The following TNKS variants were observed in gnomAD, a reference collection of about 807,000 sequenced individuals.
TNKS encodes the protein tankyrase, also known as poly [ADP-ribose] polymerase tankyrase-1.
In TNKS, 72 loss-of-function variants were observed where a neutral mutation model predicts 135.8. The ratio of observed to expected loss-of-function variants is 0.53; its 90% CI spans 0.44 to 0.64. TNKS has a LOEUF of 0.64. Ranked by LOEUF, TNKS falls within the 30% of genes least tolerant of loss-of-function variation. The pLI is 0.00. For synonymous variants in TNKS, 849 were observed against 649.3 expected, an observed-to-expected ratio of 1.31 and a Z score of -4.68; for missense variants, 1,769 against 1,674.0, an observed-to-expected ratio of 1.06 and a Z score of -0.99.
At chr8:9,772,558 G>A (rs945564336) in intron 26 of TNKS, 9 of 368,020 alleles carry the variant, frequency 2.4e-5, no homozygotes, top group Middle Eastern at 8.3e-4. Flanking sequence ...ACATGAAAAC[G>A]AAGTTAACCT....
At chr8:9,597,126 T>G (rs1798819540) in intron 2 of TNKS, among the ~76,000 whole-genome samples, 1 of 152,250 alleles carries the variant, frequency 6.6e-6, no homozygotes, top group Non-Finnish European at 1.5e-5. Context: ...GCTTTACAAT[T>G]AAGTATGAAT....
intron 13 of TNKS, among the ~76,000 whole-genome samples, chr8:9,729,455 A>T (rs939416954): frequency 2.0e-5 from 3 of 152,118 alleles, no homozygotes; most frequent in Non-Finnish European, 4.4e-5. Flanking sequence ...AGAGCATGCT[A>T]TTGTCTGCTC....
At chr8:9,671,788 T>C (rs1802280702) in intron 3 of TNKS, among the ~76,000 whole-genome samples, 1 of 152,222 alleles carries the variant, frequency 6.6e-6, no homozygotes, top group Non-Finnish European at 1.5e-5. Context: ...CACAGTTTAA[T>C]AGTAGTCACC....
rs1313759053 is a variant in TNKS at position 9,761,554 on chromosome 8, G to A, written c.3192G>A (p.Glu1064=). Residue 1064 remains glutamate, a synonymous_variant, in exon 21 of 27, where the codon GAG becomes GAA. Coordinates refer to ENST00000310430, the MANE Select transcript of TNKS (RefSeq NM_003747.3). ...LDVLADMGHE[E]LKEIGINAYG... Reference sequence around the variant, plus strand: ...TGTTGGCTGATATGGGTCATGAAGAGTTGAAAGAAATAGGCATCAATGCAT... The same window carrying A: ...TGTTGGCTGATATGGGTCATGAAGAATTGAAAGAAATAGGCATCAATGCAT... The A allele has an allele frequency of 1.2e-6, 2 of 1,611,724 alleles. No homozygotes were observed. Among genetic ancestry groups the A allele is most frequent in the Non-Finnish European group, 1.7e-6 (2 of 1,179,552 alleles).
At chr8:9,765,958 G>T (rs936395442) in intron 24 of TNKS, among the ~76,000 whole-genome samples, 161 bp downstream of exon 24, 1 of 152,136 alleles carries the variant, frequency 6.6e-6, no homozygotes, top group Non-Finnish European at 1.5e-5. Context: ...GCTTTCTAAT[G>T]TATCACACAT....
At chr8:9,650,327 G>A (rs1801099406) in intron 3 of TNKS, among the ~76,000 whole-genome samples, 1 of 152,134 alleles carries the variant, frequency 6.6e-6, no homozygotes, top group African/African-American at 2.4e-5. Context: ...TTTCCTCTGG[G>A]TAGATACCCA....
rs576285393 is a variant in TNKS at position 9,577,199 on chromosome 8, G to A, written c.674-2960G>A. 3.3e-5 allele frequency among the ~76,000 whole-genome samples: 5 copies of A among 151,804 alleles called. No individual in the cohort carries two copies. In the East Asian group the frequency reaches 9.7e-4, roughly 29 times the overall value. On this transcript the variant is annotated intron_variant, in intron 1 of 26. Coordinates refer to ENST00000310430, the MANE Select transcript of TNKS (RefSeq NM_003747.3). ...TGGTTGAAAATGAAAATTGGTAGAG[G>A]GCAACTTGGCAACATGTGAAATTTT... is the stretch of plus-strand genomic sequence containing the variant.
chr8:9,657,759 G>C lies in TNKS; in HGVS notation c.995-22192G>C, dbSNP rs1585288223. ...AGGCGCCCCTCACCTCCCGGACGGG[G>C]CGGCTGGCCGGGCAGGGGGCTGACC... On this transcript the variant is annotated intron_variant, in intron 3 of 26. Transcript: ENST00000310430. 3.4e-5 allele frequency among the ~76,000 whole-genome samples: 5 copies of C among 145,724 alleles called. No homozygotes were observed. In the South Asian group the frequency reaches 1.1e-3, roughly 33 times the overall value.
Position 9,776,987 on chromosome 8 carries a change from A to G in TNKS, c.*251A>G, listed in dbSNP as rs746502700. The G allele has an allele frequency of 4.8e-5, 22 of 457,200 alleles. No individual in the cohort carries two copies. The highest frequency in any genetic ancestry group is 5.8e-4 in the Middle Eastern group (1 of 1,736). 28.3% of individuals were successfully genotyped at this position (457,200 alleles called of 1,614,324 possible). A position where few individuals can be genotyped will look rare whatever the true frequency, so the allele number is the denominator to read the frequency against. The stretch of plus-strand genomic sequence containing the variant: ...ATATCTCAGGCTCATTTTCATTGCA[A>G]TTATCCATTTCTAAAACAAGATTGC... On this transcript the variant is annotated 3_prime_UTR_variant, in exon 27 of 27. Coordinates refer to ENST00000310430, the MANE Select transcript of TNKS (RefSeq NM_003747.3).
At chr8:9,771,198 TGAGG>T (rs1434657046) in intron 26 of TNKS, among the ~76,000 whole-genome samples, 1 of 79,470 alleles carries the variant, frequency 1.3e-5, no homozygotes, top group Admixed American at 1.5e-4. Context: ...AGGAAGGAAG[TGAGG>T]GAGGAAGAGA....
chr8:9,766,242 C>G lies in TNKS; in HGVS notation c.3557C>G (p.Ser1186Cys). ...HHNERMLFHGSPFINAIIHKG... is the reference protein window; with the variant it reads ...HHNERMLFHGCPFINAIIHKG... Reference sequence around the variant, plus strand: ...CTTTCTGTCTTCGTATTTCTAGGTTCTCCTTTCATTAATGCCATTATTCAT... The same window carrying G: ...CTTTCTGTCTTCGTATTTCTAGGTTGTCCTTTCATTAATGCCATTATTCAT... Residue 1186 changes from serine to cysteine, a missense_variant, in exon 25 of 27, where the codon TCT (serine) becomes TGT (cysteine). Ser to Cys is a moderately radical substitution (Grantham distance 112, BLOSUM62 -1). Transcript: ENST00000310430. 6.3e-7 allele frequency: 1 copy of G among 1,597,574 alleles called. No individual in the cohort carries two copies. The highest frequency in any genetic ancestry group is 8.5e-7 in the Non-Finnish European group (1 of 1,170,222).
At chr8:9,713,581 G>A (rs1585363952) in intron 11 of TNKS, among the ~76,000 whole-genome samples, 1 of 152,030 alleles carries the variant, frequency 6.6e-6, no homozygotes, top group South Asian at 2.1e-4. Flanking sequence ...CTAGACTTTT[G>A]TGTTCATCCT....
At chr8:9,571,148 A>G (rs1797742300) in intron 1 of TNKS, among the ~76,000 whole-genome samples, 1 of 152,180 alleles carries the variant, frequency 6.6e-6, no homozygotes, top group Non-Finnish European at 1.5e-5. Context: ...TTTCTACAAC[A>G]AATTCTATGT....
At chr8:9,625,824 C>T (rs773657713) in intron 3 of TNKS, among the ~76,000 whole-genome samples, 1 of 152,128 alleles carries the variant, frequency 6.6e-6, no homozygotes, top group Non-Finnish European at 1.5e-5. Flanking sequence ...TGGCTCAGGA[C>T]ATGGACTATT....
rs10672387 is a variant in TNKS at position 9,746,881 on chromosome 8, C to CT, written c.2644-1124dup. The stretch of plus-strand genomic sequence containing the variant: ...TCTGAGAGTTTCATACCTACTTAAA[C>CT]TTTTTTTTTTTTTTTTTTTGAGACG... On this transcript the variant is annotated intron_variant, in intron 17 of 26. Transcript: ENST00000310430. 6.1e-3 allele frequency among the ~76,000 whole-genome samples: 712 copies of CT among 117,162 alleles called. 29 individuals are homozygous for CT. The highest frequency in any genetic ancestry group is 0.014 in the African/African-American group (384 of 27,530). 76.9% of individuals were successfully genotyped at this position (117,162 alleles called of 152,430 possible).
chr8:9,747,913 T>G (rs1213007232), intron 17 of TNKS, 111 bp from the exon 18 acceptor site: 1 of 1,046,830 alleles, frequency 9.6e-7, no homozygotes, highest in Non-Finnish European at 1.3e-6. Flanking sequence ...CTGTTAAGGA[T>G]GAAAATGGAG....
chr8:9,653,091 A>C (rs1031648212), intron 3 of TNKS, among the ~76,000 whole-genome samples: 1 of 152,182 alleles, frequency 6.6e-6, no homozygotes, highest in Non-Finnish European at 1.5e-5. Flanking sequence ...TTAGGATGAA[A>C]GTCATAAAGT....
chr8:9,685,517 C>G (rs764004537), intron 5 of TNKS, among the ~76,000 whole-genome samples: 1 of 152,164 alleles, frequency 6.6e-6, no homozygotes, highest in Non-Finnish European at 1.5e-5. Context: ...TGGACACTTA[C>G]ATACTTTTAA....
chr8:9,635,559 C>T (rs1194972028), intron 3 of TNKS, among the ~76,000 whole-genome samples: 3 of 152,152 alleles, frequency 2.0e-5, no homozygotes, highest in African/African-American at 4.8e-5. Context: ...CATGATTGCT[C>T]ATAGATTGAT....
Sources: allele counts gnomAD v4.1 joint callset (sites outside exome capture counted in the v4.1 genomes callset), GRCh38; gene constraint gnomAD v4.1.1; transcripts MANE v1.5; gene names NCBI Gene and HGNC (gene_info 2026-07-23, HGNC 2026-07-21).